Variants in ESYT3 observed in about 807,000 individuals in gnomAD.
The protein encoded by ESYT3 is extended synaptotagmin-3.
ESYT3 carries 101 observed loss-of-function variants against 111.5 expected under a neutral mutation model. That is an observed-to-expected ratio of 0.91 (90% CI 0.77 to 1.07). ESYT3 has a LOEUF of 1.07. ESYT3 is among the 50% of genes least tolerant of loss of function. ESYT3 has a pLI of 0.00. For missense variants in ESYT3, 1,097 were observed against 1,109.4 expected (o/e 0.99, Z 0.16); for synonymous variants, 416 against 446.8 (o/e 0.93, Z 0.87).
At position 138,473,593 on chromosome 3, in the gene ESYT3, G is replaced by T. The variant is rs1296644080; in HGVS notation, c.2295G>T (p.Val765=). The change falls in exon 19 of 23, where the codon GTG becomes GTT. Residue 765 remains valine, a synonymous_variant. Coordinates refer to ENST00000389567, the MANE Select transcript of ESYT3 (RefSeq NM_031913.5). ...AGATTCAGCTCACAGTGCGCTATGT[G>T]TGTCTGCGGCGCTGCCTCAGCGTGC... The part of the protein sequence containing the change: ...LGEIQLTVRY[V]CLRRCLSVLI... 1 of 1,613,956 alleles carries T rather than the reference G, an allele frequency of 6.2e-7. No individual in the cohort carries two copies. The highest frequency in any genetic ancestry group is 2.2e-5 in the East Asian group (1 of 44,872).
At chr3:138,480,539 A>G (rs2033670203), downstream of ESYT3, 1 of 152,232 alleles carries the variant, frequency 6.6e-6, no homozygotes, top group South Asian at 2.1e-4. Context: ...TGCTTGATAC[A>G]ATGTTAAAAA....
intron 4 of ESYT3, among the ~76,000 whole-genome samples, chr3:138,458,436 C>T (rs897955675): frequency 6.6e-6 from 1 of 152,256 alleles, no homozygotes; most frequent in Non-Finnish European, 1.5e-5. Context: ...GCTGCCCAGG[C>T]AGCCCCCGGG....
rs745743466 is a variant in ESYT3 at position 138,468,180 on chromosome 3, G to C, written c.1294G>C (p.Glu432Gln). 2 of 1,614,110 alleles carry C rather than the reference G, an allele frequency of 1.2e-6. No individual in the cohort carries two copies. The highest frequency in any genetic ancestry group is 3.3e-5 in the Admixed American group (2 of 60,024). ...GTGGCTTTCATTGCTTACTGACCAA[G>C]AAGTTCTGACTGAGGTGAGTGTGGG... The part of the protein sequence containing the change: ...LEWLSLLTDQ[E>Q]VLTEDHGGLS... The change falls in exon 12 of 23, where the codon GAA becomes CAA. Residue 432 changes from glutamate (E) to glutamine (Q), a missense_variant. Transcript: ENST00000389567.
Position 138,440,872 on chromosome 3 carries a change from T to C in ESYT3, c.327+5747T>C, listed in dbSNP as rs995214480. ...AAGCATTTATCGAGAACTTGCAGTG[T>C]GTCAGGCACAGAGCTGCAGGCGGGG... is the stretch of plus-strand genomic sequence containing the variant. On this transcript the variant is annotated intron_variant, in intron 1 of 22. Coordinates refer to ENST00000389567, the MANE Select transcript of ESYT3 (RefSeq NM_031913.5). This position sits in a 1 kb window ranked among gnomAD's most constrained non-coding sequence, Gnocchi z 4.2. Among the ~76,000 whole-genome samples, 1 of 152,204 alleles carries C rather than the reference T, an allele frequency of 6.6e-6. No individual in the cohort carries two copies. The highest frequency in any genetic ancestry group is 1.5e-5 in the Non-Finnish European group (1 of 68,032).
chr3:138,463,581 G>A (rs1294297391), intron 8 of ESYT3, among the ~76,000 whole-genome samples: 1 of 152,208 alleles, frequency 6.6e-6, no homozygotes, highest in Non-Finnish European at 1.5e-5. Flanking sequence ...ACAAATAGTA[G>A]TGTAATGAAT....
At position 138,434,947 on chromosome 3, in the gene ESYT3, A is replaced by G; in HGVS notation, c.149A>G (p.Tyr50Cys). 6.4e-7 allele frequency: 1 copy of G among 1,552,878 alleles called. No individual in the cohort carries two copies. The highest frequency in any genetic ancestry group is 2.4e-5 in the East Asian group (1 of 41,226). Residue 50 changes from tyrosine (Y) to cysteine (C), a missense_variant, in exon 1 of 23, where the codon TAC (tyrosine) becomes TGC (cysteine). Transcript: ENST00000389567. ...VRVLFYLGPV[Y>C]LAGYLGLSIT... ...GTGCTGTTCTACCTGGGGCCTGTCT[A>G]CCTAGCTGGCTACCTGGGGCTCAGC...
chr3:138,456,491 G>C (rs1459621919), intron 3 of ESYT3, among the ~76,000 whole-genome samples: 2 of 152,194 alleles, frequency 1.3e-5, no homozygotes, highest in Non-Finnish European at 2.9e-5. Flanking sequence ...AGCAGAGCCT[G>C]CTCAGTCAGG....
rs1560246570 is a variant in ESYT3, at chr3:138,473,522, C to A, written c.2238-14C>A. 1 of 1,610,084 alleles carries A rather than the reference C, an allele frequency of 6.2e-7. No individual in the cohort carries two copies. On this transcript the variant is annotated splice_polypyrimidine_tract_variant and intron_variant, in intron 18 of 22. Coordinates refer to ENST00000389567, the MANE Select transcript of ESYT3 (RefSeq NM_031913.5). Reference sequence around the variant, plus strand: ...TTGTTATGGCGAGAGAAGTGATGGGCTCTTTCTTTACAGAGGTGGGGACCT... The same window carrying A: ...TTGTTATGGCGAGAGAAGTGATGGGATCTTTCTTTACAGAGGTGGGGACCT...
intron 1 of ESYT3, among the ~76,000 whole-genome samples, chr3:138,436,993 G>T (rs1040636624): frequency 6.6e-6 from 1 of 152,044 alleles, no homozygotes; most frequent in Admixed American, 6.6e-5. Flanking sequence ...GACAGTTCTG[G>T]CCTCTGTTGG....
intron 2 of ESYT3, among the ~76,000 whole-genome samples, chr3:138,452,940 C>T (rs2032039046): frequency 6.6e-6 from 1 of 152,214 alleles, no homozygotes. Flanking sequence ...CATTCCCTAG[C>T]CGGGCATGGT....
chr3:138,480,878 A>G (rs2033676096), downstream of ESYT3: 2 of 152,248 alleles, frequency 1.3e-5, no homozygotes, highest in African/African-American at 4.8e-5. Context: ...ACAGAATGGT[A>G]CTAGTGCAGG....
rs1040869971 is a variant in ESYT3 at position 138,435,911 on chromosome 3, C to A, written c.327+786C>A. On this transcript the variant is annotated intron_variant, in intron 1 of 22. Coordinates refer to ENST00000389567, the MANE Select transcript of ESYT3 (RefSeq NM_031913.5). This position sits in a 1 kb window ranked among gnomAD's most constrained non-coding sequence, Gnocchi z 4.8. ...GGGAAACACCGGCAAGAGGGGTGTTCCGTCCAATGGTTGGTCTGCGGCAAA... is the reference window on the plus strand; with the variant it reads ...GGGAAACACCGGCAAGAGGGGTGTTACGTCCAATGGTTGGTCTGCGGCAAA... Among the ~76,000 whole-genome samples the A allele has an allele frequency of 3.3e-5, 5 of 152,162 alleles. No individual in the cohort carries two copies. In the East Asian group the frequency reaches 9.6e-4, roughly 29 times the overall value.
intron 1 of ESYT3, among the ~76,000 whole-genome samples, chr3:138,445,758 A>T (rs1576425505): frequency 6.6e-6 from 1 of 152,350 alleles, no homozygotes; most frequent in African/African-American, 2.4e-5. Flanking sequence ...ATTCTGATCC[A>T]GGAAGGATAC....
intron 1 of ESYT3, among the ~76,000 whole-genome samples, chr3:138,445,603 T>C (rs1336122230): frequency 6.6e-6 from 1 of 152,184 alleles, no homozygotes; most frequent in Non-Finnish European, 1.5e-5. Context: ...CAGCAGAGAA[T>C]TTGCTGCGCT....
intron 1 of ESYT3, among the ~76,000 whole-genome samples, chr3:138,444,108 G>T (rs542385107): frequency 1.7e-4 from 26 of 152,272 alleles, no homozygotes; most frequent in Non-Finnish European, 1.0e-4. Flanking sequence ...ATTCTACTTA[G>T]ACTTGAATTT....
At chr3:138,465,739 G>T (rs950158901) in intron 10 of ESYT3, among the ~76,000 whole-genome samples, 2 of 152,140 alleles carry the variant, frequency 1.3e-5, no homozygotes, top group Non-Finnish European at 2.9e-5. Flanking sequence ...AGGCTGGCAT[G>T]GATGGCCAGA....
At chr3:138,476,644 C>T (rs2033497291) in intron 22 of ESYT3, 152 bp downstream of exon 22, 1 of 1,036,702 alleles carries the variant, frequency 9.6e-7, no homozygotes, top group Non-Finnish European at 1.5e-6. Flanking sequence ...CACTGATACC[C>T]TAAAAGACAC....
intron 1 of ESYT3, among the ~76,000 whole-genome samples, chr3:138,441,436 G>C (rs2031144415): frequency 6.6e-6 from 1 of 152,090 alleles, no homozygotes; most frequent in Admixed American, 6.5e-5. Flanking sequence ...GGGGAGAGAT[G>C]GTCACCGGCT....
At chr3:138,467,533 C>A (rs1413293862) in intron 10 of ESYT3, 28 bp from the exon 11 acceptor site, 1 of 1,613,678 alleles carries the variant, frequency 6.2e-7, no homozygotes, top group Non-Finnish European at 8.5e-7. Context: ...TCTGAGCTGA[C>A]CCAATCCCCT....
Sources: gnomAD v4.1 joint callset for allele counts (sites outside exome capture counted in the v4.1 genomes callset) on GRCh38, gnomAD v4.1.1 for gene constraint, Gnocchi (gnomAD v3.1) non-coding constraint, MANE v1.5 for transcripts, NCBI Gene and HGNC (gene_info 2026-07-23, HGNC 2026-07-21) for gene names.